The following LIPC variants were observed in gnomAD, a reference collection of about 807,000 sequenced individuals.
The protein encoded by LIPC is hepatic triacylglycerol lipase.
LIPC carries 44 observed loss-of-function variants against 50.7 expected under a neutral mutation model. The observed-to-expected ratio is 0.87, with a 90% confidence interval of 0.68 to 1.11. The LOEUF is 1.11. Ranked by LOEUF, LIPC falls within the 50% of genes most tolerant of loss-of-function variation. The pLI is 0.00. For missense variants in LIPC, 697 were observed against 648.2 expected (o/e 1.08, Z -0.82); for synonymous variants, 271 against 256.4 (o/e 1.06, Z -0.54).
chr15:58,481,798 CTAAA>C (rs1451213419), intron 1 of LIPC, among the ~76,000 whole-genome samples: 6 of 152,186 alleles, frequency 3.9e-5, no homozygotes, highest in Non-Finnish European at 8.8e-5. Context: ...GACTCCATCT[CTAAA>C]TAAATAGATA....
rs7174244 is a variant in LIPC at position 58,520,996 on chromosome 15, C to T, written c.89-17337C>T. 5.1e-3 allele frequency among the ~76,000 whole-genome samples: 776 copies of T among 152,248 alleles called. 7 individuals are homozygous for T. The highest frequency in any genetic ancestry group is 0.018 in the African/African-American group (743 of 41,518). ...TAAGATGAGGGCGAAACAAGGACCACCCATGATTCCAAAGAATATCCGGAA... is the reference window on the plus strand; with the variant it reads ...TAAGATGAGGGCGAAACAAGGACCATCCATGATTCCAAAGAATATCCGGAA... On this transcript the variant is annotated intron_variant, in intron 1 of 8. Transcript: ENST00000299022.
chr15:58,511,084 A>C (rs530910570), intron 1 of LIPC, among the ~76,000 whole-genome samples: 4 of 152,328 alleles, frequency 2.6e-5, no homozygotes, highest in Admixed American at 6.5e-5. Context: ...AACTCAGCTA[A>C]TGCCTGGAAG....
In LIPC at chr15:58,514,731, G is replaced by A. The variant is rs976034061; in HGVS notation, c.89-23602G>A. ...CCCAGCTACTTCGGAGGCTGAGGCA[G>A]GAGAACAGCCTGAACCCAGGAGGCA... On this transcript the variant is annotated intron_variant, in intron 1 of 8. Coordinates refer to ENST00000299022, the MANE Select transcript of LIPC (RefSeq NM_000236.3). Among the ~76,000 whole-genome samples, 9 of 152,322 alleles carry A rather than the reference G, an allele frequency of 5.9e-5. No homozygotes were observed. In the South Asian group the frequency reaches 1.2e-3, roughly 21 times the overall value.
At chr15:58,564,042 G>A in intron 8 of LIPC, 1 of 416,260 alleles carries the variant, frequency 2.4e-6, no homozygotes, top group South Asian at 2.2e-5. Context: ...GAATCACCAG[G>A]TGATGTCAGT....
chr15:58,567,263 ATATG>A (rs1485266588), intron 8 of LIPC, among the ~76,000 whole-genome samples: 11 of 30,948 alleles, frequency 3.6e-4, no homozygotes, highest in African/African-American at 9.2e-4. Context: ...ATATATATGT[ATATG>A]TGTGTGTGTG....
intron 1 of LIPC, among the ~76,000 whole-genome samples, chr15:58,453,402 A>G (rs1317408474): frequency 6.6e-6 from 1 of 152,122 alleles, no homozygotes; most frequent in Non-Finnish European, 1.5e-5. Context: ...AAGTGATTCT[A>G]ATCGGTCCCC....
At chr15:58,553,967 T>C (rs1367969660) in intron 6 of LIPC, among the ~76,000 whole-genome samples, 3 of 148,714 alleles carry the variant, frequency 2.0e-5, no homozygotes, top group Non-Finnish European at 4.5e-5. Flanking sequence ...ATTCCTACCA[T>C]CTCCATGAGA....
chr15:58,473,905 A>T (rs542886064), intron 1 of LIPC: 77 of 152,390 alleles, frequency 5.1e-4, no homozygotes, highest in Non-Finnish European at 8.7e-4. Flanking sequence ...TTCCTGCCAG[A>T]CTATAGCTGT....
chr15:58,518,414 G>T (rs1273521324), intron 1 of LIPC, among the ~76,000 whole-genome samples: 1 of 152,234 alleles, frequency 6.6e-6, no homozygotes, highest in African/African-American at 2.4e-5. Context: ...GCTGATACCA[G>T]TGAGTCTGGG....
At chr15:58,486,593 G>A (rs547455877) in intron 1 of LIPC, among the ~76,000 whole-genome samples, 22 of 152,286 alleles carry the variant, frequency 1.4e-4, no homozygotes, top group Admixed American at 5.2e-4. Flanking sequence ...TGCAATGAAC[G>A]TACGAGCCCA....
At chr15:58,524,907 A>G (rs1357332382) in intron 1 of LIPC, among the ~76,000 whole-genome samples, 1 of 152,034 alleles carries the variant, frequency 6.6e-6, no homozygotes, top group Non-Finnish European at 1.5e-5. Context: ...AGTTGGTCAT[A>G]CAGAAGTTTT....
intron 1 of LIPC, among the ~76,000 whole-genome samples, chr15:58,521,797 G>A (rs1892662190): frequency 6.6e-6 from 1 of 152,112 alleles, no homozygotes; most frequent in Admixed American, 6.5e-5. Context: ...GGAAAGACAA[G>A]TTCAGCCCTC....
chr15:58,471,286 G>A (rs933694111), intron 1 of LIPC, among the ~76,000 whole-genome samples: 9 of 137,606 alleles, frequency 6.5e-5, no homozygotes, highest in Admixed American at 1.5e-4. Flanking sequence ...ACAGGCACTC[G>A]CCACCATGCC....
intron 1 of LIPC, among the ~76,000 whole-genome samples, chr15:58,476,866 T>G (rs1215121275): frequency 6.6e-6 from 1 of 152,204 alleles, no homozygotes; most frequent in Non-Finnish European, 1.5e-5. Context: ...AGTAGGGAGC[T>G]CAGAGGAAAG....
At chr15:58,472,984 T>A (rs7182229) in intron 1 of LIPC, among the ~76,000 whole-genome samples, 1 of 152,028 alleles carries the variant, frequency 6.6e-6, no homozygotes, top group Non-Finnish European at 1.5e-5. Context: ...CATGGTTTTG[T>A]TAACTTTGAA....
intron 1 of LIPC, among the ~76,000 whole-genome samples, chr15:58,434,597 T>G (rs1267872382): frequency 6.6e-6 from 1 of 152,198 alleles, no homozygotes; most frequent in Non-Finnish European, 1.5e-5. Context: ...AGAAAAACAT[T>G]CTGCTCAGTT....
At chr15:58,525,998 G>C (rs570074806) in intron 1 of LIPC, among the ~76,000 whole-genome samples, 175 of 152,308 alleles carry the variant, frequency 1.1e-3, no homozygotes, top group African/African-American at 3.9e-3. Context: ...GAAACCATCT[G>C]TAAACGTGCC....
At chr15:58,459,104 G>T (rs1168931503) in intron 1 of LIPC, among the ~76,000 whole-genome samples, 1 of 152,118 alleles carries the variant, frequency 6.6e-6, no homozygotes, top group East Asian at 1.9e-4. Flanking sequence ...TATTTTTTTA[G>T]GTGAGGTATG....
rs572161614 is a variant in LIPC, at chr15:58,544,391, C to CTTTTTTTTTTTTTTTTTTT, written c.575-1348_575-1347insTTTTTTTTTTTTTTTTTTT. On this transcript the variant is annotated intron_variant, in intron 4 of 8. Coordinates refer to ENST00000299022, the MANE Select transcript of LIPC (RefSeq NM_000236.3). ...CATATCAGGACATTTTTCTTTTTCTCTTTCTTTTTTTTTTTTTTTTTTGAG... is the reference window on the plus strand; with the variant it reads ...CATATCAGGACATTTTTCTTTTTCTCTTTTTTTTTTTTTTTTTTTTTTCTTTTTTTTTTTTTTTTTTGAG... Among the ~76,000 whole-genome samples the CTTTTTTTTTTTTTTTTTTT allele has an allele frequency of 2.7e-5, 3 of 110,272 alleles. 1 individual carries two copies. The highest frequency in any genetic ancestry group is 1.8e-5 in the Non-Finnish European group (1 of 54,442). 72.3% of individuals were successfully genotyped at this position (110,272 alleles called of 152,430 possible).
Sources: gnomAD v4.1 joint callset for allele counts (sites outside exome capture counted in the v4.1 genomes callset) on GRCh38, gnomAD v4.1.1 for gene constraint, MANE v1.5 for transcripts, NCBI Gene and HGNC (gene_info 2026-07-23, HGNC 2026-07-21) for gene names.